Variants in CATSPERD observed in about 807,000 individuals in gnomAD.
The protein encoded by CATSPERD is cation channel sperm-associated auxiliary subunit delta.
CATSPERD carries 86 observed loss-of-function variants against 98.1 expected under a neutral mutation model. The observed-to-expected ratio is 0.88, with a 90% CI of 0.74 to 1.05. The LOEUF (loss-of-function observed/expected upper bound fraction) is 1.05. CATSPERD is among the 50% of genes least tolerant of loss of function. The pLI, the probability that CATSPERD is intolerant of heterozygous loss-of-function variation, is 0.00. For synonymous variants in CATSPERD, 394 were observed against 390.2 expected (o/e 1.01, Z -0.12); for missense variants, 995 against 1,005.7 (o/e 0.99, Z 0.14).
At chr19:5,776,082 G>A in intron 20 of CATSPERD, 79 bp from the exon 21 acceptor site, 5 of 1,486,040 alleles carry the variant, frequency 3.4e-6, no homozygotes, top group Non-Finnish European at 4.6e-6. Context: ...GTGGGTGCAG[G>A]GCCTCCGCAG....
intron 5 of CATSPERD, among the ~76,000 whole-genome samples, chr19:5,736,132 G>T (rs2055840537): frequency 2.0e-5 from 3 of 151,520 alleles, no homozygotes; most frequent in Admixed American, 2.0e-4. Flanking sequence ...GGCTGGTCTT[G>T]AACTCCCGAC....
rs777825072 is a variant in CATSPERD at position 5,724,873 on chromosome 19, C to G, written c.126+11C>G. 2 of 1,613,446 alleles carry G rather than the reference C, an allele frequency of 1.2e-6. No individual in the cohort carries two copies. Among genetic ancestry groups the G allele is most frequent in the South Asian group, 2.2e-5 (2 of 91,062 alleles). On this transcript the variant is annotated intron_variant, in intron 2 of 21. Transcript: ENST00000381624. ...CAGGACGTTCAAGGGGTATGTGGCTCCATGCTTAAATTCATCCTTCACTTT... is the reference window on the plus strand; with the variant it reads ...CAGGACGTTCAAGGGGTATGTGGCTGCATGCTTAAATTCATCCTTCACTTT...
chr19:5,740,656 A>G (rs1314608345), intron 7 of CATSPERD, among the ~76,000 whole-genome samples: 4 of 147,504 alleles, frequency 2.7e-5, no homozygotes, highest in Non-Finnish European at 4.5e-5. Context: ...AATCCCAGCT[A>G]TCGGGAGGCT....
intron 4 of CATSPERD, among the ~76,000 whole-genome samples, chr19:5,732,919 C>T (rs1035789782): frequency 5.3e-5 from 8 of 151,974 alleles, no homozygotes; most frequent in African/African-American, 1.5e-4. Context: ...TTGAGTGATC[C>T]GCCTGCCTTG....
At chr19:5,720,943 C>G (rs1171437121) in intron 1 of CATSPERD, 135 bp downstream of exon 1, 1 of 642,462 alleles carries the variant, frequency 1.6e-6, no homozygotes, top group Non-Finnish European at 2.6e-6. Context: ...GAACTTGACG[C>G]CTCGCTCACC....
At chr19:5,725,435 A>ACCAC (rs1391471185) in intron 2 of CATSPERD, among the ~76,000 whole-genome samples, 1 of 152,088 alleles carries the variant, frequency 6.6e-6, no homozygotes, top group Non-Finnish European at 1.5e-5. Context: ...ACAGACGTTC[A>ACCAC]CCACCGTGCC....
Position 5,778,394 on chromosome 19 carries a change from C to A in CATSPERD, c.2115C>A (p.Thr705=), listed in dbSNP as rs771953898. 6.2e-6 allele frequency: 10 copies of A among 1,608,934 alleles called. 1 individual carries two copies. In the East Asian group the frequency reaches 2.2e-4, roughly 36 times the overall value. ...ACCGCAGCTACTGTCAACTGGAGAC[C>A]ATCTTTAGCATCTACGTGTATGGAG... The part of the protein sequence containing the change: ...DPYYSYCQLE[T]IFSIYVYGAF... The change falls in exon 22 of 22, where the codon ACC becomes ACA. Residue 705 remains threonine, a synonymous_variant. Transcript: ENST00000381624.
At chr19:5,755,800 A>T (rs933658570) in intron 13 of CATSPERD, among the ~76,000 whole-genome samples, 4 of 147,526 alleles carry the variant, frequency 2.7e-5, no homozygotes, top group Admixed American at 1.4e-4. Context: ...AATAAATAAA[A>T]ATAAATTAAA....
intron 2 of CATSPERD, among the ~76,000 whole-genome samples, chr19:5,727,046 C>G (rs1019501129): frequency 6.6e-6 from 1 of 151,956 alleles, no homozygotes; most frequent in African/African-American, 2.4e-5. Flanking sequence ...ATAGAAAAAA[C>G]CAGCCGGGCA....
chr19:5,761,882 C>G (rs564184855), intron 15 of CATSPERD, among the ~76,000 whole-genome samples: 2 of 150,224 alleles, frequency 1.3e-5, no homozygotes, highest in African/African-American at 4.9e-5. Context: ...TGTGCCACCA[C>G]GCCCGGCTAA....
At position 5,757,835 on chromosome 19, in the gene CATSPERD, A is replaced by T. The variant is rs1336619673; in HGVS notation, c.1279-8A>T. On this transcript the variant is annotated splice_region_variant and splice_polypyrimidine_tract_variant and intron_variant, in intron 13 of 21. Coordinates refer to ENST00000381624, the MANE Select transcript of CATSPERD (RefSeq NM_152784.4). ...CGTACAGCCTGAGCTTCTCTCCCCC[A>T]CTCCCAGGTGATGGTGAGCAACCCC... 1 of 1,609,318 alleles carries T rather than the reference A, an allele frequency of 6.2e-7. No homozygotes were observed. The highest frequency in any genetic ancestry group is 8.5e-7 in the Non-Finnish European group (1 of 1,178,090).
intron 8 of CATSPERD, 125 bp from the exon 9 acceptor site, chr19:5,745,788 G>A: frequency 2.4e-6 from 2 of 823,484 alleles, no homozygotes; most frequent in South Asian, 5.2e-5. Flanking sequence ...AGGCAGACTT[G>A]TGGCTTCTTT....
chr19:5,739,907 A>G (rs1389725597), intron 7 of CATSPERD, among the ~76,000 whole-genome samples: 1 of 151,470 alleles, frequency 6.6e-6, no homozygotes, highest in East Asian at 1.9e-4. Flanking sequence ...CCAGCTCAGG[A>G]GCCTAGGAAG....
At chr19:5,766,071 T>A (rs1217920824) in intron 16 of CATSPERD, 32 bp from the exon 17 acceptor site, 7 of 1,592,318 alleles carry the variant, frequency 4.4e-6, no homozygotes, top group Non-Finnish European at 5.2e-6. Flanking sequence ...CTCACTGACC[T>A]GGGTCCATAT....
At chr19:5,768,588 A>G (rs1429296365) in intron 18 of CATSPERD, among the ~76,000 whole-genome samples, 1 of 151,484 alleles carries the variant, frequency 6.6e-6, no homozygotes. Context: ...CGCCCACCTC[A>G]GCCTCCCAAA....
intron 13 of CATSPERD, among the ~76,000 whole-genome samples, chr19:5,755,783 A>G (rs942656786): frequency 1.2e-4 from 18 of 151,724 alleles, no homozygotes; most frequent in African/African-American, 3.4e-4. Flanking sequence ...CAATAAATAA[A>G]TAAATAAATA....
rs796937872 is a variant in CATSPERD, at chr19:5,752,495, A to G, written c.1164+672A>G. Among the ~76,000 whole-genome samples the G allele has an allele frequency of 1.2e-4, 19 of 152,198 alleles. 1 individual carries two copies. Among genetic ancestry groups the G allele is most frequent in the African/African-American group, 4.1e-4 (17 of 41,540 alleles). ...GTTTCTAAAACACTAATTTAAAAAA[A>G]GAGAAATTAACAAAATAAGAGACAA... On this transcript the variant is annotated intron_variant, in intron 12 of 21. Transcript: ENST00000381624.
At chr19:5,747,030 A>T (rs557765268) in intron 9 of CATSPERD, among the ~76,000 whole-genome samples, 5 of 151,630 alleles carry the variant, frequency 3.3e-5, no homozygotes, top group African/African-American at 1.2e-4. Context: ...TTTTTTGTAG[A>T]GACTGGGTCC....
intron 19 of CATSPERD, 141 bp downstream of exon 19, chr19:5,771,213 C>A: frequency 1.0e-6 from 1 of 974,308 alleles, no homozygotes; most frequent in Non-Finnish European, 1.5e-6. Context: ...CGTGCTCCTG[C>A]CCCAGCCCCA....
Sources: gnomAD v4.1 joint callset for allele counts (sites outside exome capture counted in the v4.1 genomes callset) on GRCh38, gnomAD v4.1.1 for gene constraint, MANE v1.5 for transcripts, NCBI Gene and HGNC (gene_info 2026-07-23, HGNC 2026-07-21) for gene names.